LACTBL1: variants seen among roughly 807,000 people sequenced by gnomAD.
LACTBL1 encodes beta-lactamase-like protein 1.
Under a neutral mutation model 39.6 loss-of-function variants are expected in LACTBL1, and 29 were observed. The observed-to-expected ratio is 0.73, with a 90% CI of 0.55 to 1.00. LACTBL1 has a LOEUF of 1.00. Among genes scored for constraint, LACTBL1 ranks in the 50% least tolerant of loss-of-function variants. The probability of loss-of-function intolerance (pLI) is 0.00; values close to 1 mark genes in which losing one functional copy is unlikely to be tolerated. For synonymous variants in LACTBL1, 361 were observed against 360.7 expected, an observed-to-expected ratio of 1.00 and a Z score of -0.01; for missense variants, 711 against 748.5, an observed-to-expected ratio of 0.95 and a Z score of 0.59.
chr1:22,963,080 C>G, intron 2 of LACTBL1, 27 bp downstream of exon 4: 1 of 1,234,416 alleles, frequency 8.1e-7, no homozygotes, highest in Non-Finnish European at 1.0e-6. Context: ...GCCCATATGC[C>G]CAGTTTCCTC....
chr1:22,955,361 G>A (rs1336012180), exon 5 of LACTBL1: 32 of 1,550,474 alleles, frequency 2.1e-5, no homozygotes, highest in African/African-American at 2.7e-5. Context: ...TCCTTGAGCA[G>A]GTTCAGGGCC....
chr1:22,953,202 T>A, exon 6 of LACTBL1: 1 of 1,232,066 alleles, frequency 8.1e-7, no homozygotes, highest in Non-Finnish European at 1.0e-6. Context: ...CGTCGCCGAG[T>A]GGCAGTGCGC....
intron 2 of LACTBL1, among the ~76,000 whole-genome samples, chr1:22,962,424 G>A (rs1330887670): frequency 3.3e-5 from 5 of 152,104 alleles, no homozygotes; most frequent in African/African-American, 1.2e-4. Flanking sequence ...GTCTCCCATG[G>A]TGGGTGACCC....
chr1:22,956,074 A>C (rs1640758437), intron 4 of LACTBL1, among the ~76,000 whole-genome samples: 1 of 151,032 alleles, frequency 6.6e-6, no homozygotes. Flanking sequence ...AAAAAAAAAA[A>C]AAAAAAAAAG....
chr1:22,967,364 G>A (rs904675644), upstream of LACTBL1, among the ~76,000 whole-genome samples: 3 of 151,972 alleles, frequency 2.0e-5, no homozygotes, highest in South Asian at 6.2e-4. Flanking sequence ...GTGAGACCCT[G>A]TCTCAAAATA....
the LACTBL1 span, chr1:22,972,287 C>T: frequency 3.0e-6 from 3 of 984,920 alleles, no homozygotes; most frequent in Non-Finnish European, 3.6e-6. Flanking sequence ...GTGACAGCTT[C>T]TTGAGGCTGT....
exon 3 of LACTBL1, chr1:22,960,080 T>G (rs1385733962): frequency 6.4e-7 from 1 of 1,550,526 alleles, no homozygotes; most frequent in East Asian, 2.4e-5. Context: ...AGACATTGCC[T>G]GGCGCAGGAT....
At chr1:22,963,149 G>A in exon 2 of LACTBL1, 5 of 1,298,912 alleles carry the variant, frequency 3.8e-6, no homozygotes, top group Non-Finnish European at 4.9e-6. Flanking sequence ...GGTGAGCCAG[G>A]GGCACGGGCT....
exon 6 of LACTBL1, chr1:22,953,217 G>A: frequency 8.1e-7 from 1 of 1,232,132 alleles, no homozygotes; most frequent in Non-Finnish European, 1.0e-6. Context: ...GTGCGCAGGG[G>A]AACTCGTGGG....
chr1:22,968,515 A>G (rs1640906764), upstream of LACTBL1, among the ~76,000 whole-genome samples: 1 of 151,894 alleles, frequency 6.6e-6, no homozygotes, highest in African/African-American at 2.4e-5. Flanking sequence ...TTTGGGTTTG[A>G]TTTTCTGCAG....
intron 4 of LACTBL1, among the ~76,000 whole-genome samples, chr1:22,956,093 C>T (rs1013527980): frequency 2.7e-5 from 4 of 147,352 alleles, no homozygotes; most frequent in Admixed American, 6.9e-5. Context: ...AGAGTTTGGT[C>T]CAGGTGTGGT....
chr1:22,967,385 A>G (rs1215193152), upstream of LACTBL1, among the ~76,000 whole-genome samples: 2 of 152,016 alleles, frequency 1.3e-5, no homozygotes, highest in Non-Finnish European at 2.9e-5. Context: ...AATAAATATA[A>G]AAATAAAAAT....
exon 6 of LACTBL1, chr1:22,953,271 C>T: frequency 2.4e-6 from 3 of 1,231,710 alleles, no homozygotes; most frequent in Non-Finnish European, 3.0e-6. Flanking sequence ...GGCGCAGCGC[C>T]AGGGTGCGGA....
At chr1:22,958,800 G>T in exon 4 of LACTBL1, 1 of 1,550,714 alleles carries the variant, frequency 6.4e-7, no homozygotes, top group Non-Finnish European at 8.7e-7. Flanking sequence ...GGCCCAGCGG[G>T]TTGTTAATGG....
upstream of LACTBL1, chr1:22,965,435 C>A: frequency 8.0e-7 from 1 of 1,246,088 alleles, no homozygotes; most frequent in Non-Finnish European, 1.0e-6. Flanking sequence ...CCTGGGAGAG[C>A]AAGGACATAA....
rs573860414 is a variant in LACTBL1 at position 22,960,524 on chromosome 1, G to A, written c.160-425C>T. ...CCCAGCTACTTGGGAGGCTGAGGCA[G>A]GAGAATCACTTGAACCCAGGAGGCG... On this transcript the variant is annotated intron_variant, in intron 2 of 5. Transcript: ENST00000426928. 1.0e-4 allele frequency among the ~76,000 whole-genome samples: 15 copies of A among 148,348 alleles called. No individual in the cohort carries two copies. In the East Asian group the frequency reaches 2.6e-3, roughly 26 times the overall value.
upstream of LACTBL1, chr1:22,965,489 C>A (rs908015503): frequency 7.5e-6 from 7 of 933,384 alleles, no homozygotes; most frequent in South Asian, 3.0e-4. Context: ...GAGAGGGACC[C>A]TAACCCTGGC....
chr1:22,968,545 C>G (rs10917336), upstream of LACTBL1, among the ~76,000 whole-genome samples: 93 of 152,204 alleles, frequency 6.1e-4, no homozygotes, highest in African/African-American at 2.1e-3. Context: ...TCTCCCTTGC[C>G]TGGTCTTTTT....
At chr1:22,964,137 A>G (rs919986715) in intron 1 of LACTBL1, among the ~76,000 whole-genome samples, 1 of 152,056 alleles carries the variant, frequency 6.6e-6, no homozygotes, top group African/African-American at 2.4e-5. Flanking sequence ...AGGTTTCACT[A>G]TGTTGGTCAG....
Sources: gnomAD v4.1 joint callset for allele counts (sites outside exome capture counted in the v4.1 genomes callset) on GRCh38, gnomAD v4.1.1 for gene constraint, MANE v1.5 for transcripts, NCBI Gene and HGNC (gene_info 2026-07-23, HGNC 2026-07-21) for gene names.